Variants in PTBP2 observed in about 807,000 individuals in gnomAD.
PTBP2 encodes polypyrimidine tract binding protein 2.
Under a neutral mutation model 61.4 loss-of-function variants are expected in PTBP2, and 13 were observed. The observed-to-expected ratio is 0.21, with a 90% CI of 0.14 to 0.34. The LOEUF is 0.34. Among genes scored for constraint, PTBP2 ranks in the 10% least tolerant of loss-of-function variants. PTBP2 has a pLI of 1.00. For synonymous variants in PTBP2, 215 were observed against 218.5 expected (o/e 0.98, Z 0.14); for missense variants, 405 against 642.6 (o/e 0.63, Z 4.00).
intron 8 of PTBP2, among the ~76,000 whole-genome samples, chr1:96,787,902 T>TTA (rs1226054971): frequency 6.6e-6 from 1 of 152,162 alleles, no homozygotes; most frequent in East Asian, 1.9e-4. Flanking sequence ...CAAATTATTT[T>TTA]CTTAGACTAG....
In PTBP2 at chr1:96,814,745, T is replaced by A. The variant is rs1273655639; in HGVS notation, c.*1340T>A. Reference sequence around the variant, plus strand: ...TTTTTACATCTTTAGAAATGTAAAATTCAGTATAGTTTGAAAGCGGCACAA... The same window carrying A: ...TTTTTACATCTTTAGAAATGTAAAAATCAGTATAGTTTGAAAGCGGCACAA... On this transcript the variant is annotated 3_prime_UTR_variant, in exon 14 of 14. Transcript: ENST00000674951. The A allele has an allele frequency of 6.6e-6, 1 of 152,540 alleles. No individual in the cohort carries two copies. The highest frequency in any genetic ancestry group is 1.5e-5 in the Non-Finnish European group (1 of 67,970). 9.4% of individuals were successfully genotyped at this position (152,540 alleles called of 1,614,324 possible). A position where few individuals can be genotyped will look rare whatever the true frequency, so the allele number is the denominator to read the frequency against.
intron 3 of PTBP2, among the ~76,000 whole-genome samples, chr1:96,768,940 AT>A (rs1657063641): frequency 6.6e-6 from 1 of 152,016 alleles, no homozygotes; most frequent in Non-Finnish European, 1.5e-5. Context: ...AAATCAAACA[AT>A]TTATAATTTC....
At chr1:96,784,615 T>C (rs932347933) in intron 7 of PTBP2, among the ~76,000 whole-genome samples, 4 of 152,176 alleles carry the variant, frequency 2.6e-5, no homozygotes, top group African/African-American at 9.6e-5. Context: ...TTGTACAATG[T>C]GGCATCAAAT....
At chr1:96,791,827 T>TTTTTTTTG (rs1553184731) in intron 8 of PTBP2, among the ~76,000 whole-genome samples, 18,018 of 80,914 alleles carry the variant, frequency 0.22, 2,544 homozygotes, top group South Asian at 0.39. Context: ...GGAGTTGTGC[T>TTTTTTTTG]TTTTTTTTTT....
intron 3 of PTBP2, among the ~76,000 whole-genome samples, chr1:96,768,015 G>A (rs1427562746): frequency 1.3e-5 from 2 of 152,034 alleles, no homozygotes; most frequent in Non-Finnish European, 2.9e-5. Flanking sequence ...AACTCCTAGA[G>A]TAAAATATGA....
chr1:96,813,521 T>C lies in PTBP2; in HGVS notation c.*116T>C. 2 of 1,081,376 alleles carry C rather than the reference T, an allele frequency of 1.8e-6. No homozygotes were observed. The highest frequency in any genetic ancestry group is 2.5e-5 in the South Asian group (1 of 39,886). 67.0% of individuals were successfully genotyped at this position (1,081,376 alleles called of 1,614,324 possible). A position where few individuals can be genotyped will look rare whatever the true frequency, so the allele number is the denominator to read the frequency against. On this transcript the variant is annotated 3_prime_UTR_variant, in exon 14 of 14. Transcript: ENST00000674951. Reference sequence around the variant, plus strand: ...TTTTTTGTTTTTGTTTTTTTGGGGTTTCTTTTTTTTTTCCATGCTGTTATC... The same window carrying C: ...TTTTTTGTTTTTGTTTTTTTGGGGTCTCTTTTTTTTTTCCATGCTGTTATC...
At chr1:96,770,189 T>G (rs914679590) in intron 4 of PTBP2, among the ~76,000 whole-genome samples, 2 of 151,958 alleles carry the variant, frequency 1.3e-5, no homozygotes, top group African/African-American at 4.8e-5. Flanking sequence ...TCAGCAGGGG[T>G]ACTAGTCGCA....
chr1:96,818,984 CTA>C (rs1404166764), downstream of PTBP2: 1 of 151,998 alleles, frequency 6.6e-6, no homozygotes, highest in Middle Eastern at 3.4e-3. Context: ...TAAATTTAAA[CTA>C]TTATGTACAA....
At chr1:96,796,493 A>T (rs1357871060) in intron 8 of PTBP2, among the ~76,000 whole-genome samples, 2 of 152,176 alleles carry the variant, frequency 1.3e-5, no homozygotes, top group African/African-American at 4.8e-5. Flanking sequence ...CACTTGTTTA[A>T]CAAGTTGAAA....
chr1:96,774,898 A>G (rs1657850632), intron 5 of PTBP2, among the ~76,000 whole-genome samples: 1 of 152,148 alleles, frequency 6.6e-6, no homozygotes, highest in Non-Finnish European at 1.5e-5. Flanking sequence ...CCCAAAAGTA[A>G]TGGTGCATCC....
chr1:96,725,767 A>G (rs1283596212), intron 2 of PTBP2, among the ~76,000 whole-genome samples: 3 of 152,098 alleles, frequency 2.0e-5, no homozygotes, highest in Non-Finnish European at 4.4e-5. Context: ...CTTTAAAGAC[A>G]CTGATGCATG....
intron 2 of PTBP2, among the ~76,000 whole-genome samples, chr1:96,723,826 A>T (rs754746670): frequency 6.6e-6 from 1 of 152,230 alleles, no homozygotes; most frequent in African/African-American, 2.4e-5. Flanking sequence ...ATGATCAAGA[A>T]ATTGAAAATG....
intron 7 of PTBP2, among the ~76,000 whole-genome samples, chr1:96,779,133 A>G (rs141205828): frequency 6.6e-6 from 1 of 152,186 alleles, no homozygotes; most frequent in Non-Finnish European, 1.5e-5. Flanking sequence ...GGTATAATCT[A>G]ATCTTACTGT....
intron 3 of PTBP2, among the ~76,000 whole-genome samples, chr1:96,758,436 A>C (rs72976406): frequency 0.065 from 9,847 of 152,114 alleles, 1,001 homozygotes; most frequent in African/African-American, 0.22. Flanking sequence ...AAACCTGACA[A>C]GGGTAATATA....
chr1:96,721,816 C>A lies in PTBP2; in HGVS notation c.-49C>A. The stretch of plus-strand genomic sequence containing the variant: ...ATTTTCTCGCCGCTTGTGTGGCTCG[C>A]TGGCTGCGTGGCTCGGTTCTTGTGA... On this transcript the variant is annotated 5_prime_UTR_variant, in exon 1 of 14. It adds an upstream start codon to the 5' untranslated region. Transcript: ENST00000674951. 1 of 1,554,022 alleles carries A rather than the reference C, an allele frequency of 6.4e-7. No homozygotes were observed. Among genetic ancestry groups the A allele is most frequent in the South Asian group, 1.2e-5 (1 of 84,260 alleles).
At chr1:96,815,515 T>C (rs1662447007), downstream of PTBP2, 1 of 152,206 alleles carries the variant, frequency 6.6e-6, no homozygotes, top group Non-Finnish European at 1.5e-5. Context: ...GGGTGCTATT[T>C]ATATTCAAAA....
At chr1:96,781,956 T>G (rs1380121911) in intron 7 of PTBP2, among the ~76,000 whole-genome samples, 1 of 152,006 alleles carries the variant, frequency 6.6e-6, no homozygotes, top group Non-Finnish European at 1.5e-5. Flanking sequence ...GGCTTTCTAA[T>G]TCAGCTTTTA....
chr1:96,763,940 C>T (rs1656355254), intron 3 of PTBP2, among the ~76,000 whole-genome samples: 1 of 152,112 alleles, frequency 6.6e-6, no homozygotes, highest in Non-Finnish European at 1.5e-5. Flanking sequence ...TGGAAAAATA[C>T]TCCATGTAAT....
At chr1:96,725,212 G>T (rs1207474437) in intron 2 of PTBP2, among the ~76,000 whole-genome samples, 1 of 151,934 alleles carries the variant, frequency 6.6e-6, no homozygotes, top group African/African-American at 2.4e-5. Context: ...AAGGAGAGGA[G>T]TTTGTAGACA....
Sources: allele counts gnomAD v4.1 joint callset (sites outside exome capture counted in the v4.1 genomes callset), GRCh38; gene constraint gnomAD v4.1.1; transcripts MANE v1.5; gene names NCBI Gene and HGNC (gene_info 2026-07-23, HGNC 2026-07-21).